PCGF5: variants seen among roughly 807,000 people sequenced by gnomAD.
The protein encoded by PCGF5 is polycomb group ring finger 5, also known as polycomb group RING finger protein 5.
Under a neutral mutation model 44.3 loss-of-function variants are expected in PCGF5, and 9 were observed. The ratio of observed to expected loss-of-function variants is 0.20; its 90% CI spans 0.12 to 0.35. The LOEUF is 0.35. Ranked by LOEUF, PCGF5 falls within the 10% of genes least tolerant of loss-of-function variation. The pLI is 1.00. For missense variants in PCGF5, 146 were observed against 305.3 expected (o/e 0.48, Z 3.89); for synonymous variants, 95 against 102.5 (o/e 0.93, Z 0.44).
intron 1 of PCGF5, among the ~76,000 whole-genome samples, chr10:91,209,917 C>T (rs555851626): frequency 6.6e-6 from 1 of 152,316 alleles, no homozygotes; most frequent in Admixed American, 6.5e-5. Context: ...CACGTGTCAA[C>T]TCAATGAGAT....
chr10:91,239,380 A>G (rs1164389815), intron 2 of PCGF5, among the ~76,000 whole-genome samples: 1 of 152,198 alleles, frequency 6.6e-6, no homozygotes, highest in Non-Finnish European at 1.5e-5. Flanking sequence ...GAGTTCTTCC[A>G]TGACCATTGT....
chr10:91,215,119 A>C (rs1426862991), intron 1 of PCGF5, among the ~76,000 whole-genome samples: 1 of 152,222 alleles, frequency 6.6e-6, no homozygotes, highest in Non-Finnish European at 1.5e-5. Context: ...ATTTTTGGGA[A>C]GTGAAATATC....
intron 6 of PCGF5, among the ~76,000 whole-genome samples, chr10:91,253,629 T>C (rs1175610529): frequency 6.6e-6 from 1 of 152,096 alleles, no homozygotes; most frequent in Non-Finnish European, 1.5e-5. Context: ...GTTACTCTTT[T>C]CTTTCAACCA....
At chr10:91,183,891 C>G (rs950647312) in intron 1 of PCGF5, among the ~76,000 whole-genome samples, 3 of 152,154 alleles carry the variant, frequency 2.0e-5, no homozygotes, top group African/African-American at 7.2e-5. Flanking sequence ...TATTGGCCCC[C>G]AATCTCTTCT....
chr10:91,177,668 A>G (rs1843734597), intron 1 of PCGF5, among the ~76,000 whole-genome samples: 1 of 152,230 alleles, frequency 6.6e-6, no homozygotes, highest in African/African-American at 2.4e-5. Context: ...CTGTGCTAGC[A>G]ATGAGCGAGG....
chr10:91,183,555 G>T (rs60438346), intron 1 of PCGF5, among the ~76,000 whole-genome samples: 11,721 of 151,980 alleles, frequency 0.077, 1,421 homozygotes, highest in African/African-American at 0.26. Context: ...GGGGCATTTA[G>T]CCCATTTGCA....
At chr10:91,225,663 A>G (rs1472559493) in intron 2 of PCGF5, among the ~76,000 whole-genome samples, 1 of 152,026 alleles carries the variant, frequency 6.6e-6, no homozygotes, top group African/African-American at 2.4e-5. Context: ...GGTGAAAACT[A>G]TCCCACTTGC....
At chr10:91,267,696 T>G (rs12263099) in intron 8 of PCGF5, among the ~76,000 whole-genome samples, 19,878 of 152,206 alleles carry the variant, frequency 0.13, 2,441 homozygotes, top group African/African-American at 0.32. Flanking sequence ...CATGGACGAA[T>G]GCAGCAGTAT....
intron 1 of PCGF5, among the ~76,000 whole-genome samples, chr10:91,169,330 G>A (rs895762912): frequency 2.6e-5 from 4 of 152,158 alleles, no homozygotes; most frequent in African/African-American, 9.7e-5. Flanking sequence ...TGGAAAGGAA[G>A]AAATAAACCT....
At chr10:91,270,821 G>A (rs1436481607) in intron 8 of PCGF5, among the ~76,000 whole-genome samples, 5 of 151,840 alleles carry the variant, frequency 3.3e-5, no homozygotes, top group African/African-American at 1.2e-4. Flanking sequence ...ATTCATATAT[G>A]CATAATTTTA....
intron 1 of PCGF5, among the ~76,000 whole-genome samples, chr10:91,180,093 G>A (rs1224070258): frequency 1.3e-5 from 2 of 152,032 alleles, no homozygotes; most frequent in African/African-American, 4.8e-5. Flanking sequence ...TTTCTCTAAT[G>A]ATCAGTGATG....
chr10:91,162,844 C>A (rs1304746580), upstream of PCGF5, among the ~76,000 whole-genome samples: 1 of 148,510 alleles, frequency 6.7e-6, no homozygotes, highest in Non-Finnish European at 1.5e-5. Context: ...CTCCTCCGCC[C>A]CCTCGGCGCG....
chr10:91,246,658 A>G (rs999227233), intron 3 of PCGF5, among the ~76,000 whole-genome samples: 7 of 152,170 alleles, frequency 4.6e-5, no homozygotes, highest in African/African-American at 1.2e-4. Context: ...TGGGACAGAT[A>G]TTGAGAGGGA....
chr10:91,174,203 TA>T (rs546917165), intron 1 of PCGF5, among the ~76,000 whole-genome samples: 20 of 151,240 alleles, frequency 1.3e-4, no homozygotes, highest in African/African-American at 3.9e-4. Flanking sequence ...TTCATTGCAT[TA>T]AAAAAAAGTC....
chr10:91,168,118 A>G (rs1843532053), intron 1 of PCGF5, among the ~76,000 whole-genome samples: 1 of 152,242 alleles, frequency 6.6e-6, no homozygotes, highest in African/African-American at 2.4e-5. Context: ...TGGACCATCT[A>G]GATGGATGAG....
chr10:91,227,633 T>C (rs998521710), intron 2 of PCGF5: 1 of 1,128,256 alleles, frequency 8.9e-7, no homozygotes, highest in African/African-American at 1.6e-5. Flanking sequence ...GTGGTAATAA[T>C]TAAAAACAGC....
At chr10:91,199,792 ACAAAG>A (rs764906058) in intron 1 of PCGF5, among the ~76,000 whole-genome samples, 1 of 109,500 alleles carries the variant, frequency 9.1e-6, no homozygotes, top group Non-Finnish European at 2.0e-5. Context: ...GAGTAAATAA[ACAAAG>A]GAGAATAAAT....
intron 8 of PCGF5, among the ~76,000 whole-genome samples, chr10:91,269,800 C>T (rs551655187): frequency 6.6e-6 from 1 of 152,250 alleles, no homozygotes; most frequent in South Asian, 2.1e-4. Context: ...TGTGAACTTA[C>T]CTATCATATT....
At chr10:91,235,823 A>T (rs7098133) in intron 2 of PCGF5, among the ~76,000 whole-genome samples, 1 of 151,978 alleles carries the variant, frequency 6.6e-6, no homozygotes, top group Non-Finnish European at 1.5e-5. Flanking sequence ...CTTGCCTTCT[A>T]CCTTGATTGT....
Sources: allele counts gnomAD v4.1 joint callset (sites outside exome capture counted in the v4.1 genomes callset), GRCh38; gene constraint gnomAD v4.1.1; transcripts MANE v1.5; gene names NCBI Gene and HGNC (gene_info 2026-07-23, HGNC 2026-07-21).